MAP2K4: variants seen among roughly 807,000 people sequenced by gnomAD.
MAP2K4 encodes the protein mitogen-activated protein kinase kinase 4.
In MAP2K4, 4 loss-of-function variants were observed where a neutral mutation model predicts 48.5. That is an observed-to-expected ratio of 0.08 (90% confidence interval 0.04 to 0.19). MAP2K4 has a LOEUF of 0.19. MAP2K4 is among the 10% of genes least tolerant of loss of function. The pLI, the probability that MAP2K4 is intolerant of heterozygous loss-of-function variation, is 1.00. For missense variants in MAP2K4, 258 were observed against 493.3 expected (o/e 0.52, Z 4.52); for synonymous variants, 166 against 173.1 (o/e 0.96, Z 0.32).
intron 1 of MAP2K4, among the ~76,000 whole-genome samples, chr17:12,029,297 T>C (rs1480086894): frequency 3.3e-5 from 5 of 152,188 alleles, no homozygotes; most frequent in African/African-American, 1.2e-4. Context: ...CCTATGCATT[T>C]TGATATTGAT....
intron 3 of MAP2K4, among the ~76,000 whole-genome samples, chr17:12,082,955 C>A (rs942464313): frequency 2.6e-5 from 4 of 152,176 alleles, no homozygotes; most frequent in African/African-American, 9.7e-5. Flanking sequence ...ATTTAGACTC[C>A]TGGATGAATG....
chr17:12,074,476 G>A (rs1970928422), intron 2 of MAP2K4, among the ~76,000 whole-genome samples: 1 of 152,124 alleles, frequency 6.6e-6, no homozygotes. Flanking sequence ...TACTAGTAAG[G>A]TAAAATCCTT....
At chr17:12,072,440 C>A (rs1343347009) in intron 2 of MAP2K4, among the ~76,000 whole-genome samples, 1 of 152,122 alleles carries the variant, frequency 6.6e-6, no homozygotes, top group African/African-American at 2.4e-5. Flanking sequence ...AAATAGGAAG[C>A]CATGGGAATG....
chr17:12,023,649 T>C (rs189988015), intron 1 of MAP2K4, among the ~76,000 whole-genome samples: 179 of 152,318 alleles, frequency 1.2e-3, no homozygotes, highest in Admixed American at 3.5e-3. Flanking sequence ...CTGGATAACC[T>C]TGAATACTTT....
At chr17:12,095,779 G>T (rs1049392083) in intron 4 of MAP2K4, 85 bp downstream of exon 4, 40 of 1,415,178 alleles carry the variant, frequency 2.8e-5, no homozygotes, top group Admixed American at 7.7e-5. Context: ...ATTCTTAAAT[G>T]CCATACATTA....
intron 3 of MAP2K4, among the ~76,000 whole-genome samples, chr17:12,094,962 T>A (rs1436867541): frequency 6.6e-6 from 1 of 152,174 alleles, no homozygotes; most frequent in Non-Finnish European, 1.5e-5. Context: ...CTTTTTGTTT[T>A]TAATGTATAG....
chr17:12,060,817 C>T (rs1970428443), intron 2 of MAP2K4, among the ~76,000 whole-genome samples: 2 of 151,942 alleles, frequency 1.3e-5, no homozygotes, highest in South Asian at 4.2e-4. Context: ...AGTAAATATA[C>T]ATAACGTAAA....
At chr17:12,106,314 C>T (rs1253092702) in intron 4 of MAP2K4, among the ~76,000 whole-genome samples, 1 of 151,892 alleles carries the variant, frequency 6.6e-6, no homozygotes, top group Admixed American at 6.6e-5. Flanking sequence ...ATAGATCACT[C>T]TAAAGAAAAA....
chr17:12,049,451 A>G (rs1464052332), intron 1 of MAP2K4, among the ~76,000 whole-genome samples: 3 of 152,224 alleles, frequency 2.0e-5, no homozygotes, highest in African/African-American at 7.2e-5. Context: ...GCATGTGAGT[A>G]GTTGACTTGA....
At chr17:12,083,901 G>A (rs1971276087) in intron 3 of MAP2K4, among the ~76,000 whole-genome samples, 1 of 152,168 alleles carries the variant, frequency 6.6e-6, no homozygotes, top group African/African-American at 2.4e-5. Flanking sequence ...TCACACAGCT[G>A]AGAGCTTTCC....
chr17:12,121,574 CAAA>C (rs10569548), intron 7 of MAP2K4, among the ~76,000 whole-genome samples: 1,554 of 101,540 alleles, frequency 0.015, 18 homozygotes, highest in African/African-American at 0.057. Flanking sequence ...GACTCCGTCT[CAAA>C]AAAAAAAAAA....
At chr17:12,129,389 T>C in intron 9 of MAP2K4, 102 bp downstream of exon 9, 4 of 1,344,594 alleles carry the variant, frequency 3.0e-6, no homozygotes, top group Non-Finnish European at 1.1e-6. Flanking sequence ...AGGGGACCCT[T>C]GGTCACATCA....
chr17:12,077,297 A>G (rs1251412740), intron 2 of MAP2K4, among the ~76,000 whole-genome samples: 4 of 152,202 alleles, frequency 2.6e-5, no homozygotes, highest in African/African-American at 9.7e-5. Flanking sequence ...GATTGGGATG[A>G]CCAAACTGCT....
rs9912119 is a variant in MAP2K4, at chr17:12,029,043, C to T, written c.115+8042C>T. 2.0e-3 allele frequency among the ~76,000 whole-genome samples: 299 copies of T among 152,202 alleles called. 2 individuals carry two copies. The highest frequency in any genetic ancestry group is 6.6e-3 in the African/African-American group (276 of 41,528). On this transcript the variant is annotated intron_variant, in intron 1 of 10. Transcript: ENST00000353533. ...TTTTGTTTTTTACTTTATCGAACAC[C>T]ATTTGCTTTTTGTTTTTATAAACAC...
intron 2 of MAP2K4, chr17:12,069,904 T>C (rs1970736700): frequency 1.3e-4 from 2 of 15,440 alleles, no homozygotes; most frequent in South Asian, 2.7e-3. Flanking sequence ...TATATATATA[T>C]ATATATATAT....
chr17:12,091,836 G>A (rs549829508), intron 3 of MAP2K4, among the ~76,000 whole-genome samples: 2 of 152,104 alleles, frequency 1.3e-5, no homozygotes, highest in African/African-American at 2.4e-5. Context: ...TATATGTAGA[G>A]TAGTAATTTT....
chr17:12,025,385 T>C (rs1969222798), intron 1 of MAP2K4, among the ~76,000 whole-genome samples: 1 of 152,220 alleles, frequency 6.6e-6, no homozygotes, highest in Non-Finnish European at 1.5e-5. Context: ...CAGATTGTTA[T>C]TAGACATGAT....
At chr17:12,069,561 C>A in intron 2 of MAP2K4, 1 of 214,654 alleles carries the variant, frequency 4.7e-6, no homozygotes, top group Non-Finnish European at 8.3e-6. Context: ...ATTCTGTTCA[C>A]TAAATATGAG....
intron 1 of MAP2K4, among the ~76,000 whole-genome samples, chr17:12,042,001 C>T (rs1253913159): frequency 6.6e-6 from 1 of 151,462 alleles, no homozygotes; most frequent in Non-Finnish European, 1.5e-5. Context: ...GCCAACATGG[C>T]GAAACCCCGT....
Sources: allele counts gnomAD v4.1 joint callset (sites outside exome capture counted in the v4.1 genomes callset), GRCh38; gene constraint gnomAD v4.1.1; transcripts MANE v1.5; gene names NCBI Gene and HGNC (gene_info 2026-07-23, HGNC 2026-07-21).